Variants in FLVCR2 observed in about 807,000 individuals in gnomAD.
FLVCR2 encodes choline/ethanolamine transporter FLVCR2.
Under a neutral mutation model 48.9 loss-of-function variants are expected in FLVCR2, and 38 were observed. The ratio of observed to expected loss-of-function variants is 0.78; its 90% confidence interval spans 0.60 to 1.02. The LOEUF (loss-of-function observed/expected upper bound fraction) is 1.02. Among genes scored for constraint, FLVCR2 ranks in the 50% least tolerant of loss-of-function variants. The pLI, the probability that FLVCR2 is intolerant of heterozygous loss-of-function variation, is 0.00. For synonymous variants in FLVCR2, 255 were observed against 257.0 expected (o/e 0.99, Z 0.07); for missense variants, 664 against 663.3 (o/e 1.00, Z -0.01).
intron 4 of FLVCR2, 82 bp from the exon 5 acceptor site, chr14:75,634,828 G>A: frequency 1.1e-6 from 1 of 890,042 alleles, no homozygotes. Context: ...ACCTGCCTTT[G>A]TTCCTTCACC....
chr14:75,631,651 T>C, intron 3 of FLVCR2: 2 of 407,162 alleles, frequency 4.9e-6, no homozygotes, highest in Non-Finnish European at 9.8e-6. Context: ...CCTTGCCCTT[T>C]GCAGTATCAG....
chr14:75,593,539 T>G (rs1356557783), intron 1 of FLVCR2, among the ~76,000 whole-genome samples: 2 of 152,286 alleles, frequency 1.3e-5, no homozygotes, highest in East Asian at 1.9e-4. Flanking sequence ...ACTAATCTAG[T>G]CTTGCGAGAG....
intron 3 of FLVCR2, among the ~76,000 whole-genome samples, chr14:75,630,726 G>A (rs1890021131): frequency 6.6e-6 from 1 of 152,112 alleles, no homozygotes; most frequent in African/African-American, 2.4e-5. Context: ...TTTGACAAAG[G>A]AGAGAAAGAG....
At chr14:75,605,364 C>T in intron 1 of FLVCR2, 1 of 1,106,952 alleles carries the variant, frequency 9.0e-7, no homozygotes, top group Non-Finnish European at 1.2e-6. Flanking sequence ...AGTGGAATAT[C>T]TCCCCTCCCT....
At chr14:75,609,380 T>A (rs986948082) in intron 1 of FLVCR2, among the ~76,000 whole-genome samples, 1 of 152,178 alleles carries the variant, frequency 6.6e-6, no homozygotes, top group Non-Finnish European at 1.5e-5. Flanking sequence ...CCTGAGTAAC[T>A]CCCTAAATAA....
At chr14:75,642,062 G>A in intron 9 of FLVCR2, 164 bp downstream of exon 9, 1 of 665,002 alleles carries the variant, frequency 1.5e-6, no homozygotes, top group Non-Finnish European at 2.7e-6. Flanking sequence ...TTTCCTCAGT[G>A]GGCATCTTTG....
chr14:75,631,920 G>A (rs1446684907), intron 3 of FLVCR2: 1 of 447,380 alleles, frequency 2.2e-6, no homozygotes, highest in African/African-American at 2.0e-5. Context: ...CAGTTGTAGT[G>A]ATGTTTGGGG....
chr14:75,598,430 G>C (rs1214076660), intron 1 of FLVCR2, among the ~76,000 whole-genome samples: 2 of 152,084 alleles, frequency 1.3e-5, no homozygotes, highest in Non-Finnish European at 2.9e-5. Flanking sequence ...CTTCTGCCTT[G>C]GCTTTTTATA....
chr14:75,599,050 C>G (rs1475430261), intron 1 of FLVCR2, among the ~76,000 whole-genome samples: 1 of 152,172 alleles, frequency 6.6e-6, no homozygotes, highest in African/African-American at 2.4e-5. Flanking sequence ...CATTTTCCTA[C>G]AGAAATGTTA....
In FLVCR2 at chr14:75,623,790, C is replaced by A. The variant is rs553003812; in HGVS notation, c.812-822C>A. 2.6e-5 allele frequency among the ~76,000 whole-genome samples: 4 copies of A among 152,286 alleles called. No individual in the cohort carries two copies. The South Asian group carries it at 8.3e-4, about 32-fold the overall frequency. On this transcript the variant is annotated intron_variant, in intron 2 of 9. Coordinates refer to ENST00000238667, the MANE Select transcript of FLVCR2 (RefSeq NM_017791.3). Reference sequence around the variant, plus strand: ...TCAGGGCTGGGTGTGGTGGCTCATTCCTGTAATCCCAGCACTTTGGGAGGC... The same window carrying A: ...TCAGGGCTGGGTGTGGTGGCTCATTACTGTAATCCCAGCACTTTGGGAGGC...
intron 1 of FLVCR2, among the ~76,000 whole-genome samples, chr14:75,580,797 G>A (rs1306518750): frequency 6.6e-6 from 1 of 152,144 alleles, no homozygotes; most frequent in African/African-American, 2.4e-5. Flanking sequence ...AAATCACAAT[G>A]GTGGAATGAA....
intron 1 of FLVCR2, among the ~76,000 whole-genome samples, 196 bp from the exon 2 acceptor site, chr14:75,621,883 C>A (rs1259403337): frequency 6.6e-6 from 1 of 152,068 alleles, no homozygotes; most frequent in Admixed American, 6.6e-5. Flanking sequence ...TGAGGGTGGT[C>A]AGAAGGATGT....
rs1454780177 is a variant in FLVCR2 at position 75,644,001 on chromosome 14, G to A, written c.1509+2103G>A. ...TGCGGTAAGCTGAGATCATGCCATT[G>A]CACTCCAGCCTGGGTGACAGAGCAA... is the stretch of plus-strand genomic sequence containing the variant. On this transcript the variant is annotated intron_variant, in intron 9 of 9. Coordinates refer to ENST00000238667, the MANE Select transcript of FLVCR2 (RefSeq NM_017791.3). Among the ~76,000 whole-genome samples the A allele has an allele frequency of 2.7e-5, 4 of 149,684 alleles. No homozygotes were observed. In the East Asian group the frequency reaches 7.8e-4, roughly 29 times the overall value.
chr14:75,612,665 G>C (rs1889490024), intron 1 of FLVCR2, among the ~76,000 whole-genome samples: 1 of 152,138 alleles, frequency 6.6e-6, no homozygotes, highest in Non-Finnish European at 1.5e-5. Flanking sequence ...GGCATTCCTG[G>C]GTGCTCGGGG....
At chr14:75,585,163 G>T (rs1170900408) in intron 1 of FLVCR2, among the ~76,000 whole-genome samples, 2 of 152,150 alleles carry the variant, frequency 1.3e-5, no homozygotes, top group African/African-American at 4.8e-5. Context: ...AGAGCTTGGG[G>T]TGAGACTGAA....
chr14:75,607,484 C>T (rs989561786), intron 1 of FLVCR2, among the ~76,000 whole-genome samples: 7 of 152,118 alleles, frequency 4.6e-5, no homozygotes, highest in African/African-American at 1.7e-4. Flanking sequence ...CTGCTTTGTG[C>T]CTTTTTGAGA....
intron 1 of FLVCR2, among the ~76,000 whole-genome samples, chr14:75,600,967 C>T (rs990116785): frequency 6.6e-6 from 1 of 151,820 alleles, no homozygotes; most frequent in African/African-American, 2.4e-5. Context: ...TTGGGGAGAC[C>T]CTAACCTAGC....
At chr14:75,613,841 A>C (rs531573033) in intron 1 of FLVCR2, among the ~76,000 whole-genome samples, 1 of 152,262 alleles carries the variant, frequency 6.6e-6, no homozygotes, top group African/African-American at 2.4e-5. Flanking sequence ...ATGAGCCACC[A>C]CACCCAGCCT....
intron 5 of FLVCR2, among the ~76,000 whole-genome samples, chr14:75,638,369 A>C (rs979450213): frequency 3.3e-5 from 5 of 152,090 alleles, no homozygotes. Flanking sequence ...CCCGGGAGGC[A>C]GAGGTTGCAG....
Sources: gnomAD v4.1 joint callset for allele counts (sites outside exome capture counted in the v4.1 genomes callset) on GRCh38, gnomAD v4.1.1 for gene constraint, MANE v1.5 for transcripts, NCBI Gene and HGNC (gene_info 2026-07-23, HGNC 2026-07-21) for gene names.